Variants in NDST1 observed in about 807,000 individuals in gnomAD.
NDST1 encodes the protein N-deacetylase and N-sulfotransferase 1.
A neutral mutation model predicts 92.8 loss-of-function variants in NDST1; 35 were observed. The observed-to-expected ratio is 0.38, with a 90% CI of 0.29 to 0.50. The LOEUF is 0.50. Among genes scored for constraint, NDST1 ranks in the 20% least tolerant of loss-of-function variants. The pLI is 0.94. For missense variants in NDST1, 822 were observed against 1,182.7 expected (o/e 0.69, Z 4.47); for synonymous variants, 493 against 500.3 (o/e 0.99, Z 0.19).
chr5:150,534,621 A>G (rs960294962), intron 4 of NDST1, among the ~76,000 whole-genome samples: 2 of 152,226 alleles, frequency 1.3e-5, no homozygotes, highest in Non-Finnish European at 2.9e-5. Flanking sequence ...AATTGTGCAG[A>G]TGGTCCCAAG....
intron 1 of NDST1, among the ~76,000 whole-genome samples, chr5:150,510,453 T>C (rs1753672354): frequency 6.6e-6 from 1 of 152,190 alleles, no homozygotes; most frequent in Admixed American, 6.5e-5. Flanking sequence ...ACATTCTGTG[T>C]GATGGACCTG....
rs185119815 is a variant in NDST1, at chr5:150,553,102, A to G, written c.2530-111A>G. On this transcript the variant is annotated intron_variant, in intron 14 of 14. Transcript: ENST00000261797. The surrounding 1 kb of genome is among the most constrained non-coding windows in gnomAD (Gnocchi z 4.2). ...GTGATCCACATGCCTCGGCCTCCCA[A>G]AGTGCTGGGATTACAGGCATGAGCC... is the stretch of plus-strand genomic sequence containing the variant. The G allele has an allele frequency of 8.6e-4, 994 of 1,160,330 alleles. 12 individuals carry two copies. In the African/African-American group the frequency reaches 0.014, roughly 16 times the overall value. The allele number at this position is 1,160,330 out of a possible 1,614,324, so 71.9% of individuals were successfully genotyped here. A position where few individuals can be genotyped will look rare whatever the true frequency, so the allele number is the denominator to read the frequency against.
chr5:150,521,811 G>A lies in NDST1; in HGVS notation c.513+44G>A, dbSNP rs10075355. 62 of 1,606,492 alleles carry A rather than the reference G, an allele frequency of 3.9e-5. No individual in the cohort carries two copies. The highest frequency in any genetic ancestry group is 4.7e-5 in the Non-Finnish European group (56 of 1,179,580). On this transcript the variant is annotated intron_variant, in intron 2 of 14. Coordinates refer to ENST00000261797, the MANE Select transcript of NDST1 (RefSeq NM_001543.5). This position sits in a 1 kb window ranked among gnomAD's most constrained non-coding sequence, Gnocchi z 5.9. ...CCCCGAGCAGTTCAGAGCCCCCTCT[G>A]CAGCTCAGTGCCTGAATTCTCATTT... is the stretch of plus-strand genomic sequence containing the variant.
intron 1 of NDST1, among the ~76,000 whole-genome samples, chr5:150,513,507 C>A (rs964442645): frequency 1.2e-4 from 18 of 152,174 alleles, no homozygotes; most frequent in African/African-American, 4.1e-4. Context: ...CAAGCTCAGG[C>A]AGGCTAGCTC....
intron 1 of NDST1, among the ~76,000 whole-genome samples, chr5:150,519,902 CG>C (rs971400922): frequency 6.6e-6 from 1 of 151,646 alleles, no homozygotes; most frequent in African/African-American, 2.4e-5. Flanking sequence ...GCAGGCGGTG[CG>C]GGGGGTTCAG....
At chr5:150,537,386 A>C (rs1755040631) in intron 6 of NDST1, among the ~76,000 whole-genome samples, 1 of 152,238 alleles carries the variant, frequency 6.6e-6, no homozygotes, top group Non-Finnish European at 1.5e-5. Context: ...CTCAGCAAGA[A>C]ACATCCCTAA....
chr5:150,534,423 C>T (rs1411706600), intron 4 of NDST1, among the ~76,000 whole-genome samples: 1 of 152,110 alleles, frequency 6.6e-6, no homozygotes, highest in Non-Finnish European at 1.5e-5. Flanking sequence ...ATTCATAACC[C>T]TTAGCATATC....
chr5:150,519,861 G>A (rs1030596476), intron 1 of NDST1, among the ~76,000 whole-genome samples: 7 of 152,120 alleles, frequency 4.6e-5, no homozygotes, highest in African/African-American at 1.4e-4. Flanking sequence ...ACTCTTTCCA[G>A]TGAGATGAGT....
Position 150,553,298 on chromosome 5 carries a change from C to T in NDST1, c.2615C>T (p.Thr872Ile), listed in dbSNP as rs757522372. ...LLYKMGQTLP[T>I]WLREDLQNTR is the part of the protein sequence containing the mutation. ...TATAAGATGGGCCAGACACTTCCCA[C>T]TTGGCTACGAGAGGACCTCCAGAAC... The change falls in exon 15 of 15, where the codon ACT becomes ATT. Residue 872 changes from threonine (T) to isoleucine (I), a missense_variant. Coordinates refer to ENST00000261797, the MANE Select transcript of NDST1 (RefSeq NM_001543.5). The surrounding 1 kb of genome is among the most constrained non-coding windows in gnomAD (Gnocchi z 4.2). 3.1e-6 allele frequency: 5 copies of T among 1,613,800 alleles called. No homozygotes were observed. In the South Asian group the frequency reaches 5.5e-5, roughly 18 times the overall value.
upstream of NDST1, among the ~76,000 whole-genome samples, chr5:150,506,812 G>T (rs1039882702): frequency 1.3e-5 from 2 of 152,172 alleles, no homozygotes; most frequent in African/African-American, 4.8e-5. Context: ...AGTCTACAGG[G>T]ACTGGCTGCT....
intron 3 of NDST1, among the ~76,000 whole-genome samples, chr5:150,531,398 A>G (rs1046806774): frequency 2.2e-4 from 33 of 152,172 alleles, no homozygotes; most frequent in African/African-American, 7.7e-4. Context: ...CGGCCCTGGT[A>G]AGATGCTGAT....
chr5:150,528,447 A>G, intron 3 of NDST1, 149 bp downstream of exon 3: 2 of 915,514 alleles, frequency 2.2e-6, no homozygotes, highest in East Asian at 2.7e-5. Flanking sequence ...CTGTCCTGCC[A>G]GTTGGTTCTT....
intron 11 of NDST1, among the ~76,000 whole-genome samples, chr5:150,548,014 T>C (rs1755567374): frequency 6.6e-6 from 1 of 152,124 alleles, no homozygotes; most frequent in South Asian, 2.1e-4. Context: ...CCAGTTCCCG[T>C]ATTTCAAAGA....
intron 7 of NDST1, chr5:150,539,568 A>C: frequency 1.4e-6 from 2 of 1,409,148 alleles, no homozygotes; most frequent in Non-Finnish European, 9.2e-7. Context: ...TTTCCTAATC[A>C]TGTACTTTAA....
chr5:150,532,462 G>C (rs1190354417), intron 3 of NDST1, among the ~76,000 whole-genome samples: 4 of 152,204 alleles, frequency 2.6e-5, no homozygotes, highest in African/African-American at 9.6e-5. Flanking sequence ...CAGCCACACA[G>C]AGCCCCACGC....
chr5:150,517,745 T>C (rs1266212278), intron 1 of NDST1, among the ~76,000 whole-genome samples: 1 of 152,240 alleles, frequency 6.6e-6, no homozygotes, highest in Non-Finnish European at 1.5e-5. Context: ...GGCTCCCACA[T>C]TCCTGAGACT....
chr5:150,541,230 A>G (rs1755233328), intron 8 of NDST1, among the ~76,000 whole-genome samples: 1 of 152,190 alleles, frequency 6.6e-6, no homozygotes, highest in South Asian at 2.1e-4. Context: ...AACCTAAAAT[A>G]TTTACTAAAC....
In NDST1 at chr5:150,558,130, T is replaced by C. The variant is rs1416306817; in HGVS notation, c.*4798T>C. 6.6e-6 allele frequency: 1 copy of C among 152,422 alleles called. No individual in the cohort carries two copies. Among genetic ancestry groups the C allele is most frequent in the African/African-American group, 2.4e-5 (1 of 41,364 alleles). 9.4% of individuals were successfully genotyped at this position (152,422 alleles called of 1,614,324 possible). ...GATGAGGGCTCTCGAACCAGCCGTT[T>C]TGGGTTGTGTTAAAGGTGAGACCTT... On this transcript the variant is annotated 3_prime_UTR_variant, in exon 15 of 15. Coordinates refer to ENST00000261797, the MANE Select transcript of NDST1 (RefSeq NM_001543.5).
At chr5:150,543,757 G>A (rs1194505285) in intron 10 of NDST1, among the ~76,000 whole-genome samples, 1 of 151,710 alleles carries the variant, frequency 6.6e-6, no homozygotes, top group Non-Finnish European at 1.5e-5. Context: ...TTCCCTGGGT[G>A]GAGAGGTTAT....
Sources: allele counts gnomAD v4.1 joint callset (sites outside exome capture counted in the v4.1 genomes callset), GRCh38; gene constraint gnomAD v4.1.1; non-coding constraint Gnocchi (gnomAD v3.1); transcripts MANE v1.5; gene names NCBI Gene and HGNC (gene_info 2026-07-23, HGNC 2026-07-21).